Variants in AUTS2 observed in about 807,000 individuals in gnomAD.
AUTS2 encodes activator of transcription and developmental regulator AUTS2, also known as autism susceptibility gene 2 protein.
AUTS2 carries 17 observed loss-of-function variants against 112.4 expected under a neutral mutation model. The observed-to-expected ratio is 0.15, with a 90% CI of 0.10 to 0.23. The LOEUF is 0.23. Among genes scored for constraint, AUTS2 ranks in the 10% least tolerant of loss-of-function variants. The probability of loss-of-function intolerance (pLI) is 1.00; values close to 1 mark genes in which losing one functional copy is unlikely to be tolerated. For synonymous variants in AUTS2, 751 were observed against 702.7 expected, an observed-to-expected ratio of 1.07 and a Z score of -1.09; for missense variants, 1,510 against 1,701.6, an observed-to-expected ratio of 0.89 and a Z score of 1.98.
intron 1 of AUTS2, among the ~76,000 whole-genome samples, chr7:69,807,499 A>G (rs901547705): frequency 4.6e-5 from 7 of 152,088 alleles, no homozygotes; most frequent in Admixed American, 3.9e-4. Flanking sequence ...ACTCTTCATC[A>G]GATTTGGTCC....
intron 1 of AUTS2, among the ~76,000 whole-genome samples, chr7:69,689,803 G>A (rs1253487773): frequency 2.0e-5 from 3 of 150,708 alleles, no homozygotes; most frequent in Non-Finnish European, 4.4e-5. Flanking sequence ...TCAGCCTCCC[G>A]AGTAGCTAGG....
At chr7:69,839,253 A>G (rs1266844058) in intron 1 of AUTS2, among the ~76,000 whole-genome samples, 3 of 152,090 alleles carry the variant, frequency 2.0e-5, no homozygotes, top group Admixed American at 2.0e-4. Flanking sequence ...ACAGTGCTCC[A>G]GGGTCATCAT....
chr7:69,644,964 A>AGTG (rs1239300830), intron 1 of AUTS2, among the ~76,000 whole-genome samples: 1 of 152,080 alleles, frequency 6.6e-6, no homozygotes, highest in Non-Finnish European at 1.5e-5. Context: ...ACTGGAGTGC[A>AGTG]GTGGTGCTAT....
rs545426011 is a variant in AUTS2 at position 70,098,011 on chromosome 7, C to G, written c.523-20121C>G. 5.3e-5 allele frequency among the ~76,000 whole-genome samples: 8 copies of G among 152,180 alleles called. No individual in the cohort carries two copies. In the South Asian group the frequency reaches 1.7e-3, roughly 32 times the overall value. On this transcript the variant is annotated intron_variant, in intron 2 of 18. Transcript: ENST00000342771. ...ATACGTAGAATCAGCATGCTGTCTCCAAAACACATTTGCAGCATTTATTAG... is the reference window on the plus strand; with the variant it reads ...ATACGTAGAATCAGCATGCTGTCTCGAAAACACATTTGCAGCATTTATTAG...
chr7:70,355,992 T>C (rs1158990926), intron 4 of AUTS2, among the ~76,000 whole-genome samples: 1 of 152,184 alleles, frequency 6.6e-6, no homozygotes, highest in African/African-American at 2.4e-5. Context: ...CTTTTTTCAG[T>C]TAGTGCAACT....
rs898659550 is a variant in AUTS2 at position 70,694,032 on chromosome 7, C to T, written c.691-4537C>T. 5 of 151,544 alleles carry T rather than the reference C, an allele frequency of 3.3e-5. No homozygotes were observed. Among genetic ancestry groups the T allele is most frequent in the Non-Finnish European group, 7.4e-5 (5 of 67,826 alleles). 9.4% of individuals were successfully genotyped at this position (151,544 alleles called of 1,614,324 possible). On this transcript the variant is annotated intron_variant, in intron 5 of 18. Transcript: ENST00000342771. This position sits in a 1 kb window ranked among gnomAD's most constrained non-coding sequence, Gnocchi z 4.1. ...GCACCGGCGGCTCGGGCTCGGCGCG[C>T]CGAGGAAGTCCCGCTCCGAGAGCTG...
chr7:70,774,395 TTC>T (rs1790556369), intron 12 of AUTS2: 1 of 367,122 alleles, frequency 2.7e-6, no homozygotes, highest in African/African-American at 2.0e-5. Context: ...TTAACCAATC[TTC>T]TCTGTCTGTA....
intron 4 of AUTS2, among the ~76,000 whole-genome samples, chr7:70,371,617 C>A (rs545504287): frequency 1.3e-5 from 2 of 152,272 alleles, no homozygotes; most frequent in African/African-American, 4.8e-5. Context: ...TTTATATTGG[C>A]TACACATGAG....
intron 5 of AUTS2, among the ~76,000 whole-genome samples, chr7:70,567,677 A>G (rs1322250965): frequency 6.6e-6 from 1 of 152,202 alleles, no homozygotes; most frequent in Non-Finnish European, 1.5e-5. Context: ...AGAAGCCCCA[A>G]AATGGCCAGC....
intron 2 of AUTS2, among the ~76,000 whole-genome samples, chr7:70,033,799 C>T (rs1465651806): frequency 6.6e-6 from 1 of 151,100 alleles, no homozygotes; most frequent in East Asian, 1.9e-4. Context: ...TGTGGTTATT[C>T]AAAGTTGGGA....
intron 3 of AUTS2, among the ~76,000 whole-genome samples, chr7:70,122,019 T>A (rs1394552333): frequency 6.6e-6 from 1 of 152,200 alleles, no homozygotes; most frequent in Non-Finnish European, 1.5e-5. Flanking sequence ...TAAAAAAGAT[T>A]GGCATTGTAA....
At chr7:70,252,639 T>C in intron 4 of AUTS2, among the ~76,000 whole-genome samples, 1 of 152,300 alleles carries the variant, frequency 6.6e-6, no homozygotes, top group East Asian at 1.9e-4. Flanking sequence ...GCTTTTGTAG[T>C]CATATTCAAG....
intron 4 of AUTS2, among the ~76,000 whole-genome samples, chr7:70,168,061 C>T (rs1232848683): frequency 2.6e-5 from 4 of 152,170 alleles, no homozygotes; most frequent in Non-Finnish European, 4.4e-5. Context: ...AATTAAATTC[C>T]TTGAACTTGA....
At chr7:69,701,253 A>C (rs1797791394) in intron 1 of AUTS2, among the ~76,000 whole-genome samples, 1 of 152,246 alleles carries the variant, frequency 6.6e-6, no homozygotes, top group Admixed American at 6.5e-5. Flanking sequence ...AAAGTCGTAC[A>C]GGGCAGTGGT....
intron 2 of AUTS2, among the ~76,000 whole-genome samples, chr7:69,949,212 C>T (rs767096235): frequency 2.6e-5 from 4 of 152,112 alleles, no homozygotes; most frequent in Non-Finnish European, 4.4e-5. Flanking sequence ...TAACTTAGTG[C>T]GTGTATGTAA....
intron 4 of AUTS2, among the ~76,000 whole-genome samples, chr7:70,218,624 T>C (rs1008546755): frequency 6.6e-6 from 1 of 152,194 alleles, no homozygotes; most frequent in South Asian, 2.1e-4. Context: ...AATTACAACA[T>C]TATATGACCA....
intron 5 of AUTS2, among the ~76,000 whole-genome samples, chr7:70,684,531 T>A (rs1385938614): frequency 2.0e-5 from 3 of 150,792 alleles, no homozygotes; most frequent in Non-Finnish European, 2.9e-5. Flanking sequence ...TGGTGTGGCG[T>A]GATGTGGTGT....
intron 1 of AUTS2, among the ~76,000 whole-genome samples, chr7:69,776,263 A>G (rs1024056355): frequency 2.6e-5 from 4 of 152,142 alleles, no homozygotes; most frequent in African/African-American, 9.7e-5. Context: ...CATGATATCT[A>G]TCTCTACATC....
intron 4 of AUTS2, among the ~76,000 whole-genome samples, chr7:70,328,531 G>A (rs1224074743): frequency 6.6e-6 from 1 of 152,124 alleles, no homozygotes; most frequent in Non-Finnish European, 1.5e-5. Flanking sequence ...AGAGTGAGTT[G>A]TTTTTTAAGA....
Sources: gnomAD v4.1 joint callset for allele counts (sites outside exome capture counted in the v4.1 genomes callset) on GRCh38, gnomAD v4.1.1 for gene constraint, Gnocchi (gnomAD v3.1) non-coding constraint, MANE v1.5 for transcripts, NCBI Gene and HGNC (gene_info 2026-07-23, HGNC 2026-07-21) for gene names.